Variants in ZAP70 observed in about 807,000 individuals in gnomAD.
The protein encoded by ZAP70 is zeta chain of T cell receptor associated protein kinase 70.
In ZAP70, 27 loss-of-function variants were observed where a neutral mutation model predicts 65.8. That is an observed-to-expected ratio of 0.41 (90% confidence interval 0.30 to 0.57). The LOEUF (loss-of-function observed/expected upper bound fraction) is 0.57, where lower values mean the gene tolerates loss of function less well. Among genes scored for constraint, ZAP70 ranks in the 20% least tolerant of loss-of-function variants. The pLI is 0.28. For missense variants in ZAP70, 696 were observed against 870.5 expected, an observed-to-expected ratio of 0.80 and a Z score of 2.52; for synonymous variants, 363 against 360.8, an observed-to-expected ratio of 1.01 and a Z score of -0.07.
chr2:97,728,425 GAGCC>G (rs1435208581), intron 4 of ZAP70, among the ~76,000 whole-genome samples: 11 of 152,242 alleles, frequency 7.2e-5, no homozygotes, highest in Admixed American at 1.3e-4. Flanking sequence ...CAGCTACAAA[GAGCC>G]AGGCTCCTGG....
At chr2:97,746,453 C>T in the ZAP70 span, among the ~76,000 whole-genome samples, 2,016 of 152,314 alleles carry the variant, frequency 0.013, 48 homozygotes, top group African/African-American at 0.046. Context: ...GCACAACCAA[C>T]GTTGTCTATG....
At chr2:97,739,241 G>GC in intron 13 of ZAP70, 134 bp from the exon 14 acceptor site, 1 of 1,404,324 alleles carries the variant, frequency 7.1e-7, no homozygotes, top group Admixed American at 2.1e-5. Flanking sequence ...CCAATGTCCC[G>GC]CCACCCCAAC....
In ZAP70 at chr2:97,737,718, T is replaced by C. The variant is rs749373144; in HGVS notation, c.1483-39T>C. 3 of 1,613,674 alleles carry C rather than the reference T, an allele frequency of 1.9e-6. No individual in the cohort carries two copies. The highest frequency in any genetic ancestry group is 1.7e-6 in the Non-Finnish European group (2 of 1,179,942). ...CTGGATGGGCTGGGTGGGTAGAGGG[T>C]CCCTGACCCCTGATCCAGCAGCATC... is the stretch of plus-strand genomic sequence containing the variant. On this transcript the variant is annotated intron_variant, in intron 11 of 13. Transcript: ENST00000264972. This position sits in a 1 kb window ranked among gnomAD's most constrained non-coding sequence, Gnocchi z 5.0.
chr2:97,739,756 G>C lies in ZAP70; in HGVS notation c.*258G>C. 1.8e-6 allele frequency: 1 copy of C among 566,086 alleles called. No homozygotes were observed. The highest frequency in any genetic ancestry group is 3.1e-6 in the Non-Finnish European group (1 of 320,374). The allele number at this position is 566,086 out of a possible 1,614,324, so 35.1% of individuals were successfully genotyped here. On this transcript the variant is annotated 3_prime_UTR_variant, in exon 14 of 14. Transcript: ENST00000264972. The stretch of plus-strand genomic sequence containing the variant: ...TGGCTCCCGGAGGGCCCTGAGCTGA[G>C]GGCATTGCTTACACGGATGCCTTCC...
At chr2:97,754,735 T>C in the ZAP70 span, among the ~76,000 whole-genome samples, 1 of 152,214 alleles carries the variant, frequency 6.6e-6, no homozygotes, top group Non-Finnish European at 1.5e-5. Context: ...AGGGTTTATA[T>C]GAAGCTCACC....
Position 97,732,900 on chromosome 2 carries a change from A to G in ZAP70, c.581A>G (p.Glu194Gly), listed in dbSNP as rs767210412. 2 of 1,613,948 alleles carry G rather than the reference A, an allele frequency of 1.2e-6. No homozygotes were observed. Among genetic ancestry groups the G allele is most frequent in the South Asian group, 2.2e-5 (2 of 91,086 alleles). ...DGKFLLRPRK[E>G]QGTYALSLIY... is the part of the protein sequence containing the mutation. ...CCTGCCAGGCTGAGGCCGCGGAAGG[A>G]GCAGGGCACATACGCCCTGTCCCTC... The change falls in exon 5 of 14, where the codon GAG (glutamate) becomes GGG (glycine). Residue 194 changes from glutamate (E) to glycine (G), a missense_variant. By Grantham distance (98) the Glu-to-Gly change is moderately conservative. Transcript: ENST00000264972.
Position 97,731,389 on chromosome 2 carries a change from C to T in ZAP70, c.564-1494C>T, listed in dbSNP as rs187877923. Among the ~76,000 whole-genome samples the T allele has an allele frequency of 2.6e-3, 388 of 152,006 alleles. 1 individual carries two copies. Among genetic ancestry groups the T allele is most frequent in the Non-Finnish European group, 4.3e-3 (289 of 67,936 alleles). On this transcript the variant is annotated intron_variant, in intron 4 of 13. Transcript: ENST00000264972. This position sits in a 1 kb window ranked among gnomAD's most constrained non-coding sequence, Gnocchi z 4.0. Reference sequence around the variant, plus strand: ...GTCACTGCGGGGTTTCACGTGACGGCGCTGCATCTGCTGTCCCAGCCTACT... The same window carrying T: ...GTCACTGCGGGGTTTCACGTGACGGTGCTGCATCTGCTGTCCCAGCCTACT...
In ZAP70 at chr2:97,715,428, C is replaced by G. The variant is rs554883320; in HGVS notation, c.-22+1434C>G. On this transcript the variant is annotated intron_variant, in intron 2 of 13. Transcript: ENST00000264972. This position sits in a 1 kb window ranked among gnomAD's most constrained non-coding sequence, Gnocchi z 4.1. ...GACTCACACCGCCTTTTCCCATCTC[C>G]CTTTTACAGTCACAGAGCCTGAGGC... is the stretch of plus-strand genomic sequence containing the variant. Among the ~76,000 whole-genome samples the G allele has an allele frequency of 4.0e-4, 61 of 152,324 alleles. No individual in the cohort carries two copies. Among genetic ancestry groups the G allele is most frequent in the African/African-American group, 1.5e-3 (61 of 41,566 alleles).
At chr2:97,750,371 T>C in the ZAP70 span, among the ~76,000 whole-genome samples, 1 of 152,138 alleles carries the variant, frequency 6.6e-6, no homozygotes, top group Non-Finnish European at 1.5e-5. Context: ...TTAGCTTATT[T>C]GGGGGGTGGG....
rs1248786675 is a variant in ZAP70, at chr2:97,739,378, G to A, written c.1740G>A (p.Trp580Ter). The A allele has an allele frequency of 1.2e-6, 2 of 1,613,322 alleles. No individual in the cohort carries two copies. The highest frequency in any genetic ancestry group is 1.3e-5 in the African/African-American group (1 of 74,942). The stretch of plus-strand genomic sequence containing the variant: ...GGATGTACCCCACGCCCCACAGGTG[G>A]GAGGATCGCCCCGACTTCCTGACCG... ...ALMSDCWIYK[W>*]EDRPDFLTVE... The change falls in exon 14 of 14, where the codon TGG becomes TGA. Residue 580 changes from tryptophan to a stop codon, truncating the protein, a stop_gained. Coordinates refer to ENST00000264972, the MANE Select transcript of ZAP70 (RefSeq NM_001079.4). LOFTEE classifies it low-confidence loss of function (END_TRUNC).
rs201552454 is a variant in ZAP70, at chr2:97,734,584, C to T, written c.954C>T (p.Pro318=). ...MPMDTSVYES[P]YSDPEELKDK... is the part of the protein sequence containing the mutation. ...TGGACACGAGCGTGTATGAGAGCCC[C>T]TACAGCGACCCAGAGGAGCTCAAGG... Residue 318 remains proline, a synonymous_variant, in exon 9 of 14, where the codon CCC becomes CCT. Transcript: ENST00000264972. 9.9e-6 allele frequency: 16 copies of T among 1,614,208 alleles called. No individual in the cohort carries two copies. The South Asian group carries it at 1.3e-4, about 13-fold the overall frequency.
chr2:97,735,675 ACCTC>A (rs1304396547), intron 10 of ZAP70, among the ~76,000 whole-genome samples: 1 of 152,150 alleles, frequency 6.6e-6, no homozygotes, highest in Admixed American at 6.5e-5. Context: ...AACAGTGTCT[ACCTC>A]CAGGGCCTTT....
chr2:97,719,150 G>T (rs76771099), intron 2 of ZAP70, among the ~76,000 whole-genome samples: 20 of 152,218 alleles, frequency 1.3e-4, no homozygotes, highest in African/African-American at 4.8e-4. Context: ...AGACTGTGAG[G>T]TTCAGCCAGC....
chr2:97,734,310 A>G, intron 8 of ZAP70: 1 of 1,378,966 alleles, frequency 7.3e-7, no homozygotes, highest in Non-Finnish European at 9.5e-7. Context: ...GTCCACCCTC[A>G]TGTGGCTTCA....
intron 2 of ZAP70, among the ~76,000 whole-genome samples, chr2:97,717,571 A>T (rs541902602): frequency 3.9e-4 from 59 of 152,232 alleles, no homozygotes; most frequent in African/African-American, 1.4e-3. Flanking sequence ...CTTTGGTGTG[A>T]TACCTCTGCT....
Position 97,733,332 on chromosome 2 carries a change from A to C in ZAP70, c.826A>C (p.Thr276Pro). Reference protein sequence around the residue: ...AAPTLPAHPSTLTHPQRRIDT... With the variant: ...AAPTLPAHPSPLTHPQRRIDT... Reference sequence around the variant, plus strand: ...TCCCACACTCCCAGCCCACCCATCCACGTTGACTCATGTGAGTTGGGGGCA... The same window carrying C: ...TCCCACACTCCCAGCCCACCCATCCCCGTTGACTCATGTGAGTTGGGGGCA... The change falls in exon 7 of 14, where the codon ACG (threonine) becomes CCG (proline). Residue 276 changes from threonine (T) to proline (P), a missense_variant. Transcript: ENST00000264972. The C allele has an allele frequency of 6.3e-7, 1 of 1,595,688 alleles. No individual in the cohort carries two copies. The highest frequency in any genetic ancestry group is 8.5e-7 in the Non-Finnish European group (1 of 1,169,634).
downstream of ZAP70, among the ~76,000 whole-genome samples, chr2:97,741,368 C>T (rs1473980540): frequency 6.6e-6 from 1 of 152,222 alleles, no homozygotes; most frequent in Non-Finnish European, 1.5e-5. Context: ...CTGCATTCAC[C>T]GCTGCCGCTG....
rs541011572 is a variant in ZAP70, at chr2:97,736,354, T to G, written c.1289+898T>G. 2.0e-5 allele frequency among the ~76,000 whole-genome samples: 3 copies of G among 152,232 alleles called. No individual in the cohort carries two copies. The East Asian group carries it at 5.8e-4, about 29-fold the overall frequency. ...CAAGTTCTGCACTCCCCAAGGCACG[T>G]TTTTGCTGATCTGTGCCCTCTGGCT... On this transcript the variant is annotated intron_variant, in intron 10 of 13. Transcript: ENST00000264972. The surrounding 1 kb of genome is among the most constrained non-coding windows in gnomAD (Gnocchi z 4.0).
At chr2:97,734,079 T>C (rs1385265935) in intron 8 of ZAP70, 2 of 279,162 alleles carry the variant, frequency 7.2e-6, no homozygotes, top group East Asian at 8.4e-5. Flanking sequence ...CTGTTTCTCA[T>C]GGGTGGGCCC....
Sources: gnomAD v4.1 joint callset for allele counts (sites outside exome capture counted in the v4.1 genomes callset) on GRCh38, gnomAD v4.1.1 for gene constraint, Gnocchi (gnomAD v3.1) non-coding constraint, MANE v1.5 for transcripts, NCBI Gene and HGNC (gene_info 2026-07-23, HGNC 2026-07-21) for gene names.